Variants in PPARGC1A observed in about 807,000 individuals in gnomAD.
The protein encoded by PPARGC1A is peroxisome proliferator-activated receptor gamma coactivator 1-alpha.
A neutral mutation model predicts 88.7 loss-of-function variants in PPARGC1A; 25 were observed. The observed-to-expected ratio is 0.28, with a 90% CI of 0.21 to 0.39. The LOEUF is 0.39. PPARGC1A is among the 10% of genes least tolerant of loss of function. The pLI is 1.00. For missense variants in PPARGC1A, 880 were observed against 968.7 expected (o/e 0.91, Z 1.22); for synonymous variants, 363 against 355.6 (o/e 1.02, Z -0.24).
At chr4:24,296,141 C>A in the PPARGC1A span, among the ~76,000 whole-genome samples, 1 of 149,184 alleles carries the variant, frequency 6.7e-6, no homozygotes, top group African/African-American at 2.5e-5. Context: ...TATATAGATA[C>A]ACACACACGA....
At chr4:24,281,749 T>TC in the PPARGC1A span, among the ~76,000 whole-genome samples, 17 of 151,934 alleles carry the variant, frequency 1.1e-4, no homozygotes, top group African/African-American at 2.9e-4. Context: ...CTCTGTTTCT[T>TC]CCCCCCCACC....
chr4:23,835,030 G>A (rs6448226), intron 2 of PPARGC1A, among the ~76,000 whole-genome samples: 94,377 of 151,930 alleles, frequency 0.62, 29,375 homozygotes, highest in Admixed American at 0.68. Flanking sequence ...CAAGTATTCC[G>A]TTTTTCAAAA....
At chr4:23,903,610 G>A (rs547802085), upstream of PPARGC1A, among the ~76,000 whole-genome samples, 1 of 152,188 alleles carries the variant, frequency 6.6e-6, no homozygotes, top group African/African-American at 2.4e-5. Context: ...TTTCCTTAAG[G>A]AGCTACATTT....
chr4:24,147,700 G>C, the PPARGC1A span, among the ~76,000 whole-genome samples: 1 of 152,148 alleles, frequency 6.6e-6, no homozygotes, highest in Admixed American at 6.6e-5. Flanking sequence ...CTAAGCAATA[G>C]AAGAGTGAGG....
chr4:23,854,403 A>G (rs2148677942), intron 2 of PPARGC1A, among the ~76,000 whole-genome samples: 1 of 152,288 alleles, frequency 6.6e-6, no homozygotes. Flanking sequence ...TTTCCCTCTG[A>G]CCTGGGAAAT....
At chr4:24,428,297 A>G in the PPARGC1A span, among the ~76,000 whole-genome samples, 1 of 152,100 alleles carries the variant, frequency 6.6e-6, no homozygotes, top group Non-Finnish European at 1.5e-5. Flanking sequence ...GGCAGAGAGA[A>G]TGGCCAAAGG....
At chr4:24,445,647 G>A in the PPARGC1A span, among the ~76,000 whole-genome samples, 1 of 152,172 alleles carries the variant, frequency 6.6e-6, no homozygotes, top group African/African-American at 2.4e-5. Flanking sequence ...TCTGGGTGGG[G>A]CAAGACAGGA....
chr4:23,976,417 G>A, the PPARGC1A span, among the ~76,000 whole-genome samples: 49 of 152,190 alleles, frequency 3.2e-4, no homozygotes, highest in Non-Finnish European at 5.7e-4. Flanking sequence ...CCTCTTGGAA[G>A]TGAAGTGTAT....
chr4:23,958,433 C>T, the PPARGC1A span, among the ~76,000 whole-genome samples: 14 of 152,124 alleles, frequency 9.2e-5, no homozygotes, highest in East Asian at 2.7e-3. Context: ...TAGATTTGAG[C>T]CTGGGGTCCT....
chr4:24,401,466 T>C, the PPARGC1A span, among the ~76,000 whole-genome samples: 1 of 152,070 alleles, frequency 6.6e-6, no homozygotes, highest in Non-Finnish European at 1.5e-5. Flanking sequence ...CACGAAGAAT[T>C]CTCCACACTT....
the PPARGC1A span, among the ~76,000 whole-genome samples, chr4:24,325,616 C>G: frequency 1.3e-5 from 2 of 152,184 alleles, no homozygotes; most frequent in Admixed American, 6.5e-5. Context: ...ACTCCCAGAG[C>G]CCCTGGAACT....
At chr4:24,259,956 G>A in the PPARGC1A span, among the ~76,000 whole-genome samples, 9 of 152,260 alleles carry the variant, frequency 5.9e-5, no homozygotes, top group East Asian at 1.9e-4. Flanking sequence ...ACCAGGGTGC[G>A]AGTTGGGTGA....
At chr4:24,369,145 C>CT in the PPARGC1A span, among the ~76,000 whole-genome samples, 1 of 152,124 alleles carries the variant, frequency 6.6e-6, no homozygotes, top group Admixed American at 6.6e-5. Flanking sequence ...AGAAAAAAGA[C>CT]TGGAAGAGCA....
the PPARGC1A span, among the ~76,000 whole-genome samples, chr4:24,470,404 G>A: frequency 1.3e-5 from 2 of 151,776 alleles, no homozygotes; most frequent in African/African-American, 2.4e-5. This position sits in a 1 kb window ranked among gnomAD's most constrained non-coding sequence, Gnocchi z 5.8. Context: ...GTTGGCTCTC[G>A]GCAATCCTGG....
chr4:24,323,827 G>A, the PPARGC1A span, among the ~76,000 whole-genome samples: 7 of 152,138 alleles, frequency 4.6e-5, no homozygotes, highest in African/African-American at 9.7e-5. Flanking sequence ...TCCTCAGACC[G>A]ACCAGCCCAA....
intron 2 of PPARGC1A, among the ~76,000 whole-genome samples, chr4:23,878,362 A>T (rs1237420981): frequency 2.0e-5 from 3 of 152,062 alleles, no homozygotes; most frequent in Non-Finnish European, 2.9e-5. Flanking sequence ...AAAAAAAAAA[A>T]AAAGCAGCCA....
At chr4:24,139,547 G>C in the PPARGC1A span, among the ~76,000 whole-genome samples, 1 of 152,074 alleles carries the variant, frequency 6.6e-6, no homozygotes, top group Non-Finnish European at 1.5e-5. Context: ...ACAGAGTTTT[G>C]CTATTAATTG....
At chr4:23,881,024 A>G (rs1715821837) in intron 2 of PPARGC1A, 1 of 152,230 alleles carries the variant, frequency 6.6e-6, no homozygotes, top group African/African-American at 2.4e-5. Context: ...GGTTGCCCAC[A>G]GTGACCCAGA....
At chr4:24,042,001 C>T in the PPARGC1A span, among the ~76,000 whole-genome samples, 28 of 151,876 alleles carry the variant, frequency 1.8e-4, no homozygotes, top group Admixed American at 1.6e-3. Context: ...TACTTCTTTC[C>T]GTATTTCTCA....
Sources: gnomAD v4.1 joint callset for allele counts (sites outside exome capture counted in the v4.1 genomes callset) on GRCh38, gnomAD v4.1.1 for gene constraint, Gnocchi (gnomAD v3.1) non-coding constraint, MANE v1.5 for transcripts, NCBI Gene and HGNC (gene_info 2026-07-23, HGNC 2026-07-21) for gene names.